The following GRXCR1 variants were observed in gnomAD, a reference collection of about 807,000 sequenced individuals.
GRXCR1 encodes the protein glutaredoxin domain-containing cysteine-rich protein 1.
In GRXCR1, 27 loss-of-function variants were observed where a neutral mutation model predicts 27.3. That is an observed-to-expected ratio of 0.99 (90% CI 0.73 to 1.37). GRXCR1 has a LOEUF of 1.37. GRXCR1 is among the 40% of genes most tolerant of loss of function. The probability of loss-of-function intolerance (pLI) is 0.00; values close to 1 mark genes in which losing one functional copy is unlikely to be tolerated. For synonymous variants in GRXCR1, 122 were observed against 131.1 expected (o/e 0.93, Z 0.47); for missense variants, 379 against 354.4 (o/e 1.07, Z -0.56).
rs867064423 is a variant in GRXCR1 at position 42,962,203 on chromosome 4, A to T, written c.385-689A>T. On this transcript the variant is annotated intron_variant, in intron 1 of 3. Transcript: ENST00000399770. ...TTTGAGTGTTGCTTGCCTCCCCTCC[A>T]GTGTGTCTGATTCCTTGTTTCCTTT... Among the ~76,000 whole-genome samples the T allele has an allele frequency of 4.6e-4, 70 of 152,000 alleles. No homozygotes were observed. The Middle Eastern group carries it at 0.017, about 37-fold the overall frequency.
At chr4:42,914,052 A>T (rs916228076) in intron 1 of GRXCR1, among the ~76,000 whole-genome samples, 60 of 152,226 alleles carry the variant, frequency 3.9e-4, no homozygotes, top group African/African-American at 1.4e-3. Flanking sequence ...AGTTTGCTAC[A>T]GGTGCAGAGC....
At chr4:42,946,864 T>A (rs1747755912) in intron 1 of GRXCR1, among the ~76,000 whole-genome samples, 1 of 152,182 alleles carries the variant, frequency 6.6e-6, no homozygotes, top group Non-Finnish European at 1.5e-5. Context: ...ATGATCATGT[T>A]TCAGATATTC....
chr4:42,935,277 T>A, intron 1 of GRXCR1, among the ~76,000 whole-genome samples: 1 of 151,872 alleles, frequency 6.6e-6, no homozygotes, highest in East Asian at 1.9e-4. Flanking sequence ...GTATCTAGAA[T>A]CCTAGCACCA....
chr4:42,917,810 C>G (rs982155000), intron 1 of GRXCR1, among the ~76,000 whole-genome samples: 1 of 151,932 alleles, frequency 6.6e-6, no homozygotes, highest in Non-Finnish European at 1.5e-5. Context: ...AAAAATTAGA[C>G]AATTAAAGTG....
chr4:43,025,826 A>G (rs996119652), intron 3 of GRXCR1, among the ~76,000 whole-genome samples: 3 of 152,128 alleles, frequency 2.0e-5, no homozygotes, highest in African/African-American at 7.2e-5. Flanking sequence ...AATACAAAAA[A>G]TTAGCCGGGC....
At chr4:43,025,669 A>G (rs1713231811) in intron 3 of GRXCR1, among the ~76,000 whole-genome samples, 1 of 152,184 alleles carries the variant, frequency 6.6e-6, no homozygotes, top group Non-Finnish European at 1.5e-5. Context: ...GCAGCAGTCA[A>G]TCTCTTCATT....
intron 1 of GRXCR1, among the ~76,000 whole-genome samples, chr4:42,941,928 A>G (rs1490937567): frequency 6.6e-6 from 1 of 152,100 alleles, no homozygotes; most frequent in Non-Finnish European, 1.5e-5. Flanking sequence ...AGAAAGGTCA[A>G]TTTAGGAAAC....
intron 1 of GRXCR1, among the ~76,000 whole-genome samples, chr4:42,926,628 ATT>A (rs1747164693): frequency 6.6e-6 from 1 of 151,142 alleles, no homozygotes; most frequent in Admixed American, 6.6e-5. Flanking sequence ...CATATTTCAC[ATT>A]GTTTTTTTTT....
At chr4:42,964,817 A>G (rs2109776090) in intron 2 of GRXCR1, among the ~76,000 whole-genome samples, 1 of 152,204 alleles carries the variant, frequency 6.6e-6, no homozygotes, top group East Asian at 1.9e-4. Context: ...TTGCCTCATC[A>G]TATTCTTTTG....
chr4:42,991,372 G>A (rs909003374), intron 2 of GRXCR1, among the ~76,000 whole-genome samples: 9 of 151,240 alleles, frequency 6.0e-5, no homozygotes, highest in African/African-American at 1.7e-4. Context: ...CCATTCTTAT[G>A]CCATTTTGTG....
intron 1 of GRXCR1, among the ~76,000 whole-genome samples, chr4:42,958,734 C>T (rs1273347166): frequency 6.6e-6 from 1 of 151,834 alleles, no homozygotes; most frequent in Non-Finnish European, 1.5e-5. Flanking sequence ...CCAAATAATC[C>T]AATTTAAAAA....
chr4:43,018,863 A>C (rs1345534176), intron 2 of GRXCR1, among the ~76,000 whole-genome samples: 1 of 152,140 alleles, frequency 6.6e-6, no homozygotes, highest in Non-Finnish European at 1.5e-5. Context: ...CTTTGTTCTT[A>C]CTTTAGAGGT....
chr4:42,951,659 G>A (rs1288611386), intron 1 of GRXCR1, among the ~76,000 whole-genome samples: 1 of 152,096 alleles, frequency 6.6e-6, no homozygotes, highest in Non-Finnish European at 1.5e-5. Context: ...GGGTCAAATG[G>A]TACTTCTGCT....
At chr4:42,981,385 A>T (rs898179802) in intron 2 of GRXCR1, among the ~76,000 whole-genome samples, 1 of 152,108 alleles carries the variant, frequency 6.6e-6, no homozygotes, top group Non-Finnish European at 1.5e-5. Context: ...TTGTCTTTTT[A>T]TACTGCATAT....
intron 3 of GRXCR1, among the ~76,000 whole-genome samples, chr4:43,027,923 A>G (rs1434579376): frequency 6.6e-6 from 1 of 152,172 alleles, no homozygotes; most frequent in Non-Finnish European, 1.5e-5. Context: ...AGCCTGACCA[A>G]CATGGTGAAA....
At chr4:42,925,900 AC>A (rs1244779725) in intron 1 of GRXCR1, among the ~76,000 whole-genome samples, 3 of 151,988 alleles carry the variant, frequency 2.0e-5, no homozygotes, top group African/African-American at 7.2e-5. Flanking sequence ...ATGAGTGAGA[AC>A]TTTAGTGTAG....
intron 1 of GRXCR1, among the ~76,000 whole-genome samples, chr4:42,894,216 T>TG (rs2109733977): frequency 6.6e-6 from 1 of 152,220 alleles, no homozygotes; most frequent in Admixed American, 6.5e-5. Flanking sequence ...GGATGATGCT[T>TG]GAAAAAATTA....
chr4:42,955,328 C>A (rs1323940717), intron 1 of GRXCR1, among the ~76,000 whole-genome samples: 1 of 152,038 alleles, frequency 6.6e-6, no homozygotes, highest in Non-Finnish European at 1.5e-5. Context: ...ACATGTGGGA[C>A]CATAATTTAT....
At chr4:43,023,801 G>C (rs1282467586) in intron 3 of GRXCR1, among the ~76,000 whole-genome samples, 1 of 152,124 alleles carries the variant, frequency 6.6e-6, no homozygotes, top group Non-Finnish European at 1.5e-5. Context: ...TTTGGAGGAG[G>C]CAAAGCATTC....
Sources: allele counts gnomAD v4.1 joint callset (sites outside exome capture counted in the v4.1 genomes callset), GRCh38; gene constraint gnomAD v4.1.1; transcripts MANE v1.5; gene names NCBI Gene and HGNC (gene_info 2026-07-23, HGNC 2026-07-21).